Variants in MAP7D3 observed in about 807,000 individuals in gnomAD.
MAP7D3 encodes MAP7 domain-containing protein 3.
Under a neutral mutation model 62.2 loss-of-function variants are expected in MAP7D3, and 45 were observed. That is an observed-to-expected ratio of 0.72 (90% CI 0.57 to 0.93). The LOEUF is 0.93. MAP7D3 is among the 40% of genes least tolerant of loss of function. The pLI, the probability that MAP7D3 is intolerant of heterozygous loss-of-function variation, is 0.00. For missense variants in MAP7D3, 711 were observed against 683.1 expected (o/e 1.04, Z -0.45); for synonymous variants, 288 against 248.8 (o/e 1.16, Z -1.48).
Position 136,219,678 on chromosome X carries a change from A to G in MAP7D3, c.2487-7T>C, listed in dbSNP as rs1204212868. The G allele has an allele frequency of 8.4e-7, 1 of 1,190,550 alleles. No homozygotes were observed. Among genetic ancestry groups the G allele is most frequent in the Non-Finnish European group, 1.1e-6 (1 of 875,835 alleles). On this transcript the variant is annotated splice_region_variant and splice_polypyrimidine_tract_variant and intron_variant, in intron 16 of 18. Transcript: ENST00000316077. ...CATTCTTTTGGAAGATGGTCTGGAAAGAGACAGTTTGGTTAGAATCCCAAT... is the reference window on the plus strand; with the variant it reads ...CATTCTTTTGGAAGATGGTCTGGAAGGAGACAGTTTGGTTAGAATCCCAAT...
At chrX:136,218,594 A>C (rs1208673279) in intron 18 of MAP7D3, 101 bp from the exon 19 acceptor site, 2 of 112,010 alleles carry the variant, frequency 1.8e-5, no homozygotes, top group African/African-American at 6.5e-5. Flanking sequence ...CAGGACTCTC[A>C]GCAGCCCCTC....
chrX:136,230,920 C>A lies in MAP7D3; in HGVS notation c.1460G>T (p.Arg487Leu). Reference protein sequence around the residue: ...KQALIPIAKKRLSSYTECYKW... With the variant: ...KQALIPIAKKLLSSYTECYKW... ...ATAACACTCAGTGTATGATGATAGACGCTTCTTGGCAATAGGGATTAAGGC... is the reference window on the plus strand; with the variant it reads ...ATAACACTCAGTGTATGATGATAGAAGCTTCTTGGCAATAGGGATTAAGGC... Residue 487 changes from arginine (R) to leucine (L), a missense_variant, in exon 9 of 19, where the codon CGT becomes CTT. Arg to Leu is a moderately radical substitution (Grantham distance 102). Coordinates refer to ENST00000316077, the MANE Select transcript of MAP7D3 (RefSeq NM_024597.4). 2 of 1,197,495 alleles carry A rather than the reference C, an allele frequency of 1.7e-6. No homozygotes were observed. The highest frequency in any genetic ancestry group is 2.3e-4 in the Middle Eastern group (1 of 4,320).
chrX:136,245,547 A>G (rs1467182705), intron 3 of MAP7D3, among the ~76,000 whole-genome samples: 1 of 111,132 alleles, frequency 9.0e-6, no homozygotes, highest in African/African-American at 3.3e-5. Context: ...GGAGATCAAG[A>G]CCACCCGGGC....
At chrX:136,229,993 A>ATATATTTTT (rs1210531192) in intron 10 of MAP7D3, among the ~76,000 whole-genome samples, 2 of 48,124 alleles carry the variant, frequency 4.2e-5, no homozygotes, top group Admixed American at 3.2e-4. Flanking sequence ...ATATATATAT[A>ATATATTTTT]TTTTTTTTTT....
rs765337137 is a variant in MAP7D3, at chrX:136,243,867, C to T, written c.417+765G>A. 3.6e-5 allele frequency among the ~76,000 whole-genome samples: 4 copies of T among 111,261 alleles called. No homozygotes were observed. In the South Asian group the frequency reaches 1.5e-3, roughly 43 times the overall value. ...AAATTTGGTGTCAGAGAGAATCATACGGAATGAGACAGGTAGCCAGATGCC... is the reference window on the plus strand; with the variant it reads ...AAATTTGGTGTCAGAGAGAATCATATGGAATGAGACAGGTAGCCAGATGCC... On this transcript the variant is annotated intron_variant, in intron 4 of 18. Transcript: ENST00000316077.
downstream of MAP7D3, among the ~76,000 whole-genome samples, chrX:136,216,294 G>T (rs2074060995): frequency 1.1e-5 from 1 of 94,095 alleles, no homozygotes; most frequent in South Asian, 5.5e-4. Context: ...GGAGGCTGAG[G>T]CAGGAAGATC....
chrX:136,215,177 G>A (rs1055074803), downstream of MAP7D3, among the ~76,000 whole-genome samples: 1 of 112,183 alleles, frequency 8.9e-6, no homozygotes, highest in Non-Finnish European at 1.9e-5. Flanking sequence ...ACAAAACCTA[G>A]TAAAGCAGAG....
intron 16 of MAP7D3, 114 bp from the exon 17 acceptor site, chrX:136,219,785 T>C (rs1332801572): frequency 1.6e-6 from 1 of 611,367 alleles, no homozygotes; most frequent in Non-Finnish European, 2.9e-6. Context: ...TTAAAAAACA[T>C]TTCAGAATCA....
chrX:136,231,051 A>C, intron 8 of MAP7D3, 85 bp from the exon 9 acceptor site: 1 of 696,844 alleles, frequency 1.4e-6, no homozygotes, highest in Non-Finnish European at 2.1e-6. Flanking sequence ...TGAAGAGAAA[A>C]ACATTCTGAA....
rs59789059 is a variant in MAP7D3 at position 136,224,052 on chromosome X, C to CAAA, written c.2193+772_2193+774dup. Among the ~76,000 whole-genome samples the CAAA allele has an allele frequency of 1.9e-3, 20 of 10,643 alleles. 1 individual carries two copies. The highest frequency in any genetic ancestry group is 2.5e-3 in the Non-Finnish European group (15 of 5,998). The allele number at this position is 10,643 out of a possible 115,157, so 9.2% of individuals were successfully genotyped here. A position where few individuals can be genotyped will look rare whatever the true frequency, so the allele number is the denominator to read the frequency against. ...GGGTGACAGAGCAAGACTCTTATCT[C>CAAA]AAAAAAAAAAAAAAAAAAAAAAAAA... On this transcript the variant is annotated intron_variant, in intron 14 of 18. Coordinates refer to ENST00000316077, the MANE Select transcript of MAP7D3 (RefSeq NM_024597.4).
At position 136,251,366 on chromosome X, in the gene MAP7D3, G is replaced by T; in HGVS notation, c.-8C>A. On this transcript the variant is annotated 5_prime_UTR_variant, in exon 1 of 19. Transcript: ENST00000316077. ...GGCGCCGTCCGCCATCATCGGAGTC[G>T]GGACCGGAGGCGGTGGTGGCTCTCC... The T allele has an allele frequency of 9.0e-7, 1 of 1,114,070 alleles. No homozygotes were observed. The allele number at this position is 1,114,070 out of a possible 1,213,427, so 91.8% of individuals were successfully genotyped here. A position where few individuals can be genotyped will look rare whatever the true frequency, so the allele number is the denominator to read the frequency against.
At chrX:136,239,586 C>T (rs1280870227) in intron 6 of MAP7D3, among the ~76,000 whole-genome samples, 1 of 111,924 alleles carries the variant, frequency 8.9e-6, no homozygotes, top group Non-Finnish European at 1.9e-5. Flanking sequence ...GGCAATTATA[C>T]TTGTCTGTCA....
rs1449775651 is a variant in MAP7D3, at chrX:136,232,078, C to T, written c.879G>A (p.Glu293=). 9.1e-6 allele frequency: 11 copies of T among 1,208,863 alleles called. No individual in the cohort carries two copies. The Admixed American group carries it at 2.4e-4, about 26-fold the overall frequency. ...PQTKVEESPL[E]KVETPPKASV... is the part of the protein sequence containing the mutation. ...TTGCCTTGGGAGGTGTCTCTACTTTCTCCAAGGGAGACTCTTCTACTTTTG... is the reference window on the plus strand; with the variant it reads ...TTGCCTTGGGAGGTGTCTCTACTTTTTCCAAGGGAGACTCTTCTACTTTTG... The change falls in exon 8 of 19, where the codon GAG becomes GAA. Residue 293 remains glutamate (E), a synonymous_variant. Coordinates refer to ENST00000316077, the MANE Select transcript of MAP7D3 (RefSeq NM_024597.4).
At chrX:136,227,835 T>C (rs1193843232) in intron 11 of MAP7D3, among the ~76,000 whole-genome samples, 1 of 111,462 alleles carries the variant, frequency 9.0e-6, no homozygotes, top group Non-Finnish European at 1.9e-5. Context: ...TTCAGCACTT[T>C]CAAATGCTAA....
At chrX:136,228,228 T>C (rs1050779182) in intron 11 of MAP7D3, among the ~76,000 whole-genome samples, 3 of 111,984 alleles carry the variant, frequency 2.7e-5, no homozygotes, top group African/African-American at 9.7e-5. Context: ...TGAGTAAGTA[T>C]AATTTTCAGG....
chrX:136,215,830 G>A (rs952739887), downstream of MAP7D3, among the ~76,000 whole-genome samples: 1 of 111,642 alleles, frequency 9.0e-6, no homozygotes, highest in African/African-American at 3.3e-5. Context: ...ACAATTAACT[G>A]CCCAGACTTT....
rs760120518 is a variant in MAP7D3, at chrX:136,227,311, A to T, written c.2007T>A (p.Asp669Glu). Residue 669 changes from aspartate (D) to glutamate (E), a missense_variant, in exon 12 of 19, where the codon GAT (aspartate) becomes GAA (glutamate). Transcript: ENST00000316077. ...GCAGTGGTGCTTCCTGGTCTTCCTG[A>T]TCCAGCCATCCTTTCTTCTTTTTAG... is the stretch of plus-strand genomic sequence containing the variant. Reference protein sequence around the residue: ...NETKKKKGWLDQEDQEAPLQK... With the variant: ...NETKKKKGWLEQEDQEAPLQK... 34 of 1,207,948 alleles carry T rather than the reference A, an allele frequency of 2.8e-5. No individual in the cohort carries two copies. The highest frequency in any genetic ancestry group is 3.7e-5 in the Non-Finnish European group (33 of 894,452).
At chrX:136,221,349 G>T (rs1207605385) in intron 15 of MAP7D3, among the ~76,000 whole-genome samples, 2 of 111,352 alleles carry the variant, frequency 1.8e-5, no homozygotes, top group Non-Finnish European at 3.8e-5. Context: ...TTTTGAGACG[G>T]GAATCTCGCT....
At chrX:136,240,520 T>C in intron 5 of MAP7D3, 34 bp from the exon 6 acceptor site, 3 of 915,997 alleles carry the variant, frequency 3.3e-6, no homozygotes, top group Non-Finnish European at 4.8e-6. Context: ...TGTAATCATA[T>C]TTCAAGGAGG....
Sources: allele counts gnomAD v4.1 joint callset (sites outside exome capture counted in the v4.1 genomes callset), GRCh38; gene constraint gnomAD v4.1.1; transcripts MANE v1.5; gene names NCBI Gene and HGNC (gene_info 2026-07-23, HGNC 2026-07-21).